Variants in DENND4A observed in about 807,000 individuals in gnomAD.
DENND4A encodes the protein C-myc promoter-binding protein.
A neutral mutation model predicts 199.3 loss-of-function variants in DENND4A; 70 were observed. The ratio of observed to expected loss-of-function variants is 0.35; its 90% CI spans 0.29 to 0.43. The LOEUF is 0.43. Among genes scored for constraint, DENND4A ranks in the 20% least tolerant of loss-of-function variants. DENND4A has a pLI of 1.00. For missense variants in DENND4A, 1,723 were observed against 2,255.8 expected (o/e 0.76, Z 4.78); for synonymous variants, 686 against 766.9 (o/e 0.89, Z 1.74).
At chr15:65,699,611 T>A (rs2077277746) in intron 20 of DENND4A, among the ~76,000 whole-genome samples, 1 of 149,216 alleles carries the variant, frequency 6.7e-6, no homozygotes, top group Admixed American at 6.7e-5. Flanking sequence ...ATATGTATTA[T>A]ACACACATGT....
chr15:65,724,490 A>G (rs542234131), intron 11 of DENND4A, among the ~76,000 whole-genome samples: 1 of 152,256 alleles, frequency 6.6e-6, no homozygotes, highest in East Asian at 1.9e-4. Flanking sequence ...ACCACCACAG[A>G]ACAACATAGC....
In DENND4A at chr15:65,752,617, T is replaced by G; in HGVS notation, c.323A>C (p.Asp108Ala). Residue 108 changes from aspartate (D) to alanine (A), a missense_variant, in exon 4 of 33, where the codon GAC becomes GCC. Transcript: ENST00000443035. Reference protein sequence around the residue: ...PPLTDLGVLYDWKERLKQGCE... With the variant: ...PPLTDLGVLYAWKERLKQGCE... The stretch of plus-strand genomic sequence containing the variant: ...ACCCTGTTTCAATCTTTCTTTCCAG[T>G]CATATAAAACCCTAAAAATAAATTT... The G allele has an allele frequency of 6.5e-7, 1 of 1,531,120 alleles. No individual in the cohort carries two copies. 94.8% of individuals were successfully genotyped at this position (1,531,120 alleles called of 1,614,324 possible).
intron 13 of DENND4A, 150 bp from the exon 14 acceptor site, chr15:65,715,773 CAAAG>C: frequency 1.5e-6 from 1 of 659,290 alleles, no homozygotes; most frequent in Middle Eastern, 4.3e-4. Flanking sequence ...AATGACCTGA[CAAAG>C]AAATAGGAGA....
intron 1 of DENND4A, among the ~76,000 whole-genome samples, chr15:65,784,352 T>G (rs1055708855): frequency 2.0e-5 from 3 of 151,930 alleles, no homozygotes; most frequent in African/African-American, 7.3e-5. Flanking sequence ...TCCAAATAAA[T>G]GAATTTTAGT....
chr15:65,779,372 C>A (rs1033775592), intron 1 of DENND4A, among the ~76,000 whole-genome samples: 2 of 150,048 alleles, frequency 1.3e-5, no homozygotes, highest in Non-Finnish European at 3.0e-5. Flanking sequence ...AGGAGAATCG[C>A]TTGAACCTGG....
At chr15:65,724,177 C>G (rs1329554451) in intron 11 of DENND4A, among the ~76,000 whole-genome samples, 1 of 152,094 alleles carries the variant, frequency 6.6e-6, no homozygotes, top group Non-Finnish European at 1.5e-5. Context: ...CCAAGCAGGC[C>G]TCAGCCTCCC....
At chr15:65,775,637 C>CAAAAAAAAAAAA (rs59714693) in intron 1 of DENND4A, among the ~76,000 whole-genome samples, 1 of 27,684 alleles carries the variant, frequency 3.6e-5, no homozygotes, top group African/African-American at 1.3e-4. Flanking sequence ...CAAGACTCCT[C>CAAAAAAAAAAAA]AAAAAAAAAA....
intron 32 of DENND4A, among the ~76,000 whole-genome samples, chr15:65,662,531 T>G (rs2075882177): frequency 6.6e-6 from 1 of 152,188 alleles, no homozygotes; most frequent in African/African-American, 2.4e-5. Context: ...TTACTTTTAT[T>G]TTTAAGGACG....
At chr15:65,706,503 TA>T (rs371011847) in intron 14 of DENND4A, among the ~76,000 whole-genome samples, 50 of 138,970 alleles carry the variant, frequency 3.6e-4, no homozygotes, top group African/African-American at 5.4e-4. Context: ...CACATATATA[TA>T]TATATTTTTT....
chr15:65,720,965 A>ATACAAATATGTATATGTATATG (rs1189198213), intron 12 of DENND4A, among the ~76,000 whole-genome samples: 1,296 of 115,894 alleles, frequency 0.011, 140 homozygotes, highest in Non-Finnish European at 0.019. Context: ...ATATATATAT[A>ATACAAATATGTATATGTATATG]TATATATATA....
chr15:65,712,589 A>T (rs2075282799), intron 14 of DENND4A, among the ~76,000 whole-genome samples: 1 of 152,190 alleles, frequency 6.6e-6, no homozygotes, highest in Admixed American at 6.5e-5. Context: ...TTTCCTATTC[A>T]TAGTGAGAAT....
chr15:65,760,818 G>C (rs1883169097), intron 2 of DENND4A, among the ~76,000 whole-genome samples: 2 of 151,490 alleles, frequency 1.3e-5, no homozygotes, highest in Admixed American at 6.6e-5. Flanking sequence ...GAACGCTGTA[G>C]GCAGAGGTTG....
At chr15:65,748,966 C>T (rs1182541543) in intron 4 of DENND4A, among the ~76,000 whole-genome samples, 1 of 149,958 alleles carries the variant, frequency 6.7e-6, no homozygotes, top group Admixed American at 6.6e-5. Flanking sequence ...ATACTCCAGC[C>T]TGGGCAACAG....
intron 4 of DENND4A, among the ~76,000 whole-genome samples, chr15:65,743,584 T>TAG (rs1206577018): frequency 1.3e-5 from 2 of 152,238 alleles, no homozygotes; most frequent in Non-Finnish European, 2.9e-5. Flanking sequence ...CTTTCTAACA[T>TAG]ACTATACTTT....
At chr15:65,746,799 G>A (rs2076412240) in intron 4 of DENND4A, among the ~76,000 whole-genome samples, 1 of 151,788 alleles carries the variant, frequency 6.6e-6, no homozygotes, top group Non-Finnish European at 1.5e-5. Context: ...TCAGCCAGGT[G>A]CAGTGGCTCA....
intron 4 of DENND4A, among the ~76,000 whole-genome samples, chr15:65,744,926 A>C (rs1346080939): frequency 6.6e-6 from 1 of 152,214 alleles, no homozygotes; most frequent in East Asian, 1.9e-4. Flanking sequence ...CTTTGGAAAA[A>C]TATCAGTATT....
intron 24 of DENND4A, among the ~76,000 whole-genome samples, chr15:65,675,988 T>G (rs923932777): frequency 2.6e-5 from 4 of 151,828 alleles, no homozygotes; most frequent in African/African-American, 9.7e-5. Context: ...TAACTATAAT[T>G]TTGTACTATA....
At chr15:65,675,419 G>A (rs1014514488) in intron 24 of DENND4A, among the ~76,000 whole-genome samples, 3 of 152,096 alleles carry the variant, frequency 2.0e-5, no homozygotes, top group Non-Finnish European at 2.9e-5. Context: ...TAAGGGGAAA[G>A]ACTGATACAT....
intron 2 of DENND4A, among the ~76,000 whole-genome samples, chr15:65,757,118 G>T (rs918458516): frequency 1.3e-5 from 2 of 152,180 alleles, no homozygotes; most frequent in Admixed American, 6.5e-5. Flanking sequence ...TTGTAAGAAT[G>T]TAAGGGAAAT....
Sources: allele counts gnomAD v4.1 joint callset (sites outside exome capture counted in the v4.1 genomes callset), GRCh38; gene constraint gnomAD v4.1.1; transcripts MANE v1.5; gene names NCBI Gene and HGNC (gene_info 2026-07-23, HGNC 2026-07-21).